HS6ST1: variants seen among roughly 807,000 people sequenced by gnomAD.
HS6ST1 encodes the protein heparan sulfate 6-O-sulfotransferase 1, also known as heparan-sulfate 6-O-sulfotransferase 1.
In HS6ST1, 3 loss-of-function variants were observed where a neutral mutation model predicts 25.2. The observed-to-expected ratio is 0.12, with a 90% CI of 0.05 to 0.31. The LOEUF is 0.31. Ranked by LOEUF, HS6ST1 falls within the 10% of genes least tolerant of loss-of-function variation. HS6ST1 has a pLI of 1.00. For missense variants in HS6ST1, 310 were observed against 609.6 expected (o/e 0.51, Z 5.18); for synonymous variants, 204 against 275.1 (o/e 0.74, Z 2.56).
In HS6ST1 at chr2:128,268,103, G is replaced by A. The variant is rs573439350; in HGVS notation, c.*59C>T. The A allele has an allele frequency of 3.8e-5, 47 of 1,231,930 alleles. No individual in the cohort carries two copies. Among genetic ancestry groups the A allele is most frequent in the Admixed American group, 1.2e-4 (6 of 50,860 alleles). The allele number at this position is 1,231,930 out of a possible 1,614,324, so 76.3% of individuals were successfully genotyped here. ...CTTGACAGTCTTGGGTGGACCTGTC[G>A]TCTGTCCTGTTTTATCCCCCACACC... is the stretch of plus-strand genomic sequence containing the variant. On this transcript the variant is annotated 3_prime_UTR_variant, in exon 2 of 2. Transcript: ENST00000259241.
chr2:128,293,977 C>T (rs977494930), intron 1 of HS6ST1, among the ~76,000 whole-genome samples: 1 of 152,208 alleles, frequency 6.6e-6, no homozygotes, highest in Non-Finnish European at 1.5e-5. Context: ...CATGCTGAGA[C>T]CACGCTGCAG....
intron 1 of HS6ST1, among the ~76,000 whole-genome samples, chr2:128,294,047 G>A (rs1035697619): frequency 1.3e-5 from 2 of 152,172 alleles, no homozygotes; most frequent in African/African-American, 4.8e-5. Flanking sequence ...ACCTCCTTGA[G>A]GGCAGGGCCC....
chr2:128,302,400 C>G (rs936990590), intron 1 of HS6ST1, among the ~76,000 whole-genome samples: 1 of 152,084 alleles, frequency 6.6e-6, no homozygotes, highest in African/African-American at 2.4e-5. Context: ...ATGTGTGGGA[C>G]TCTCTCACTA....
At chr2:128,307,632 G>A (rs769083612) in intron 1 of HS6ST1, among the ~76,000 whole-genome samples, 4 of 152,322 alleles carry the variant, frequency 2.6e-5, no homozygotes, top group East Asian at 3.9e-4. Context: ...TGAACAGGTC[G>A]GTGGAAGAGA....
chr2:128,284,414 C>CA lies in HS6ST1; in HGVS notation c.528-15545dup, dbSNP rs372203963. Among the ~76,000 whole-genome samples the CA allele has an allele frequency of 5.8e-3, 879 of 152,268 alleles. 8 individuals are homozygous for CA. The highest frequency in any genetic ancestry group is 0.02 in the African/African-American group (833 of 41,548). Reference sequence around the variant, plus strand: ...CTCCCACATTACACCCATGGGCACACACCAGCCTGTGCCCCAGCTACTCAT... The same window carrying CA: ...CTCCCACATTACACCCATGGGCACACAACCAGCCTGTGCCCCAGCTACTCAT... On this transcript the variant is annotated intron_variant, in intron 1 of 1. Coordinates refer to ENST00000259241, the MANE Select transcript of HS6ST1 (RefSeq NM_004807.3).
chr2:128,273,111 C>T (rs1389458277), intron 1 of HS6ST1, among the ~76,000 whole-genome samples: 1 of 152,150 alleles, frequency 6.6e-6, no homozygotes, highest in African/African-American at 2.4e-5. Context: ...ACCAGGGAGG[C>T]GGGTGTGTTC....
intron 1 of HS6ST1, among the ~76,000 whole-genome samples, chr2:128,292,735 G>T (rs1020441578): frequency 6.6e-6 from 1 of 151,466 alleles, no homozygotes; most frequent in Non-Finnish European, 1.5e-5. Flanking sequence ...GGCACGGGGG[G>T]AATGGGGCGG....
intron 1 of HS6ST1, among the ~76,000 whole-genome samples, chr2:128,274,727 A>T (rs1233364362): frequency 1.3e-5 from 2 of 152,194 alleles, no homozygotes; most frequent in African/African-American, 4.8e-5. Flanking sequence ...CTGTAATCCC[A>T]ACACTTTGGG....
chr2:128,268,900 G>A (rs1369654261), intron 1 of HS6ST1, 30 bp from the exon 2 acceptor site: 8 of 1,576,194 alleles, frequency 5.1e-6, no homozygotes, highest in Non-Finnish European at 6.9e-6. Flanking sequence ...GGAGGTGAGG[G>A]CTGTGACGCA....
chr2:128,317,157 C>T (rs1694383779), intron 1 of HS6ST1, among the ~76,000 whole-genome samples: 1 of 152,230 alleles, frequency 6.6e-6, no homozygotes, highest in African/African-American at 2.4e-5. Flanking sequence ...GCTGGAAACC[C>T]AGCAGCACCC....
intron 1 of HS6ST1, among the ~76,000 whole-genome samples, chr2:128,303,405 T>G (rs1346365850): frequency 6.6e-6 from 1 of 152,212 alleles, no homozygotes; most frequent in Non-Finnish European, 1.5e-5. Context: ...CCTCTGTGCT[T>G]GAGAACAAGT....
At chr2:128,276,294 C>T (rs561301649) in intron 1 of HS6ST1, among the ~76,000 whole-genome samples, 68 of 152,210 alleles carry the variant, frequency 4.5e-4, no homozygotes, top group African/African-American at 1.0e-3. Flanking sequence ...CCACCACGTC[C>T]GGCTAATTTT....
chr2:128,287,269 A>G (rs1293183493), intron 1 of HS6ST1, among the ~76,000 whole-genome samples: 1 of 152,140 alleles, frequency 6.6e-6, no homozygotes, highest in African/African-American at 2.4e-5. Flanking sequence ...ACCTCAGTGG[A>G]TATATCCAGG....
intron 1 of HS6ST1, among the ~76,000 whole-genome samples, chr2:128,317,710 A>C (rs1694394734): frequency 6.6e-6 from 1 of 152,202 alleles, no homozygotes; most frequent in Non-Finnish European, 1.5e-5. Context: ...GCCAGACCTC[A>C]CGGCGCACAG....
In HS6ST1 at chr2:128,318,219, C is replaced by G. The variant is rs1311789454; in HGVS notation, c.345G>C (p.Pro115=). The G allele has an allele frequency of 1.9e-6, 3 of 1,541,734 alleles. No individual in the cohort carries two copies. The highest frequency in any genetic ancestry group is 2.6e-6 in the Non-Finnish European group (3 of 1,136,114). ...HLVQNVRLEV[P]CDCRPGQKKC... ...TCTTCTGGCCGGGCCGGCAGTCGCA[C>G]GGCACCTCGAGGCGTACGTTCTGCA... Residue 115 remains proline, a synonymous_variant, in exon 1 of 2, where the codon CCG becomes CCC. Transcript: ENST00000259241. This position sits in a 1 kb window ranked among gnomAD's most constrained non-coding sequence, Gnocchi z 5.7.
At position 128,268,846 on chromosome 2, in the gene HS6ST1, T is replaced by C. The variant is rs753912887; in HGVS notation, c.552A>G (p.Leu184=). ...TPRKFYYITL[L]RDPVSRYLSE... Reference sequence around the variant, plus strand: ...TCAGGTAGCGGGACACGGGGTCTCGTAGCAGGGTGATGTAGTAGAACTTCC... The same window carrying C: ...TCAGGTAGCGGGACACGGGGTCTCGCAGCAGGGTGATGTAGTAGAACTTCC... Residue 184 remains leucine, a synonymous_variant, in exon 2 of 2, where the codon CTA becomes CTG. Transcript: ENST00000259241. The C allele has an allele frequency of 1.7e-5, 27 of 1,610,536 alleles. No individual in the cohort carries two copies. Among genetic ancestry groups the C allele is most frequent in the Non-Finnish European group, 2.0e-5 (24 of 1,179,852 alleles).
Position 128,268,104 on chromosome 2 carries a change from T to C in HS6ST1, c.*58A>G. 4 of 1,237,244 alleles carry C rather than the reference T, an allele frequency of 3.2e-6. No homozygotes were observed. The South Asian group carries it at 5.1e-5, about 16-fold the overall frequency. 76.6% of individuals were successfully genotyped at this position (1,237,244 alleles called of 1,614,324 possible). On this transcript the variant is annotated 3_prime_UTR_variant, in exon 2 of 2. Transcript: ENST00000259241. ...TTGACAGTCTTGGGTGGACCTGTCG[T>C]CTGTCCTGTTTTATCCCCCACACCC...
rs116873527 is a variant in HS6ST1 at position 128,270,902 on chromosome 2, G to A, written c.528-2032C>T. 4.2e-4 allele frequency among the ~76,000 whole-genome samples: 64 copies of A among 152,342 alleles called. No homozygotes were observed. In the East Asian group the frequency reaches 7.3e-3, roughly 17 times the overall value. ...AGGGTGACTCTGAGGGCAAGGACAC[G>A]CTGTGCACAGTGCAGCAGGCCCCAT... is the stretch of plus-strand genomic sequence containing the variant. On this transcript the variant is annotated intron_variant, in intron 1 of 1. Coordinates refer to ENST00000259241, the MANE Select transcript of HS6ST1 (RefSeq NM_004807.3).
chr2:128,290,965 G>T (rs902074377), intron 1 of HS6ST1, among the ~76,000 whole-genome samples: 11 of 151,812 alleles, frequency 7.2e-5, no homozygotes, highest in African/African-American at 2.4e-4. Context: ...CTGGGCAAAA[G>T]AGTGAAACTG....
Sources: gnomAD v4.1 joint callset for allele counts (sites outside exome capture counted in the v4.1 genomes callset) on GRCh38, gnomAD v4.1.1 for gene constraint, Gnocchi (gnomAD v3.1) non-coding constraint, MANE v1.5 for transcripts, NCBI Gene and HGNC (gene_info 2026-07-23, HGNC 2026-07-21) for gene names.